NDEL1: variants seen among roughly 807,000 people sequenced by gnomAD.
NDEL1 encodes nuclear distribution protein nudE-like 1.
A neutral mutation model predicts 45.7 loss-of-function variants in NDEL1; 9 were observed. That is an observed-to-expected ratio of 0.20 (90% confidence interval 0.12 to 0.34). NDEL1 has a LOEUF of 0.34. NDEL1 is among the 10% of genes least tolerant of loss of function. The pLI, the probability that NDEL1 is intolerant of heterozygous loss-of-function variation, is 1.00. For missense variants in NDEL1, 306 were observed against 406.2 expected (o/e 0.75, Z 2.12); for synonymous variants, 133 against 158.6 (o/e 0.84, Z 1.21).
At chr17:8,457,224 A>C (rs535887032) in intron 7 of NDEL1, among the ~76,000 whole-genome samples, 2 of 149,956 alleles carry the variant, frequency 1.3e-5, no homozygotes, top group Admixed American at 6.6e-5. Context: ...TCTTCTTCAC[A>C]CTCTTTGTGG....
intron 1 of NDEL1, among the ~76,000 whole-genome samples, chr17:8,422,683 C>T (rs1453087069): frequency 1.3e-5 from 2 of 152,180 alleles, no homozygotes; most frequent in Admixed American, 6.5e-5. Context: ...TAATTTTCAA[C>T]GGAAAATGTT....
chr17:8,418,526 A>G (rs1351988316), intron 1 of NDEL1, among the ~76,000 whole-genome samples: 1 of 152,206 alleles, frequency 6.6e-6, no homozygotes, highest in Admixed American at 6.5e-5. Flanking sequence ...TATCTCTTCT[A>G]TGAACCATCT....
rs142467953 is a variant in NDEL1, at chr17:8,427,665, G to T, written c.-13+14396G>T. ...AGAGGTCTCAGTGAGCCAAGCTCGC[G>T]CCACTGCACTCCAGCCTGGGCGACA... On this transcript the variant is annotated intron_variant, in intron 1 of 4. Coordinates refer to the NDEL1 transcript ENST00000582812. Among the ~76,000 whole-genome samples the T allele has an allele frequency of 8.0e-3, 1,221 of 152,194 alleles. 11 individuals are homozygous for T. The highest frequency in any genetic ancestry group is 0.028 in the African/African-American group (1,167 of 41,520).
At chr17:8,445,009 C>T (rs1443149903) in intron 2 of NDEL1, 1 of 152,164 alleles carries the variant, frequency 6.6e-6, no homozygotes, top group Non-Finnish European at 1.5e-5. Flanking sequence ...TCACCGAAGT[C>T]AGTTATTCTA....
At chr17:8,447,286 G>A (rs1190809191) in intron 4 of NDEL1, among the ~76,000 whole-genome samples, 2 of 152,136 alleles carry the variant, frequency 1.3e-5, no homozygotes, top group Admixed American at 1.3e-4. Flanking sequence ...GGGATTATAG[G>A]CATGTGCCAC....
chr17:8,458,296 T>C (rs1910979591), intron 7 of NDEL1, among the ~76,000 whole-genome samples: 1 of 152,098 alleles, frequency 6.6e-6, no homozygotes, highest in Admixed American at 6.6e-5. Context: ...TCGATATTGG[T>C]TTTACTCAGA....
chr17:8,426,892 C>A (rs1341673714), intron 1 of NDEL1, among the ~76,000 whole-genome samples: 1 of 152,174 alleles, frequency 6.6e-6, no homozygotes, highest in Non-Finnish European at 1.5e-5. Flanking sequence ...GCAGGACCTT[C>A]ATAGGAAGGC....
intron 1 of NDEL1, among the ~76,000 whole-genome samples, chr17:8,423,539 C>T (rs1411437611): frequency 2.0e-5 from 3 of 152,094 alleles, no homozygotes; most frequent in Non-Finnish European, 4.4e-5. Context: ...CAAAAAATAG[C>T]CAGGCATGGT....
chr17:8,435,784 A>ATAC (rs1909262260), upstream of NDEL1: 4 of 367,270 alleles, frequency 1.1e-5, no homozygotes, highest in Middle Eastern at 9.2e-4. Context: ...GCCCCCTGTG[A>ATAC]CACCAGCCCC....
chr17:8,417,139 C>T (rs952391282), intron 1 of NDEL1, among the ~76,000 whole-genome samples: 1 of 151,846 alleles, frequency 6.6e-6, no homozygotes, highest in African/African-American at 2.4e-5. Context: ...TTTTTCGAGA[C>T]AGACTCTTGC....
intron 1 of NDEL1, among the ~76,000 whole-genome samples, chr17:8,438,294 A>C (rs1211154389): frequency 6.6e-6 from 1 of 152,154 alleles, no homozygotes; most frequent in African/African-American, 2.4e-5. Flanking sequence ...CTAGCTTCAG[A>C]AAATTGTGGA....
intron 8 of NDEL1, chr17:8,463,500 TCCTGTTCGACTTGACTGTATG>T: frequency 1.5e-6 from 1 of 678,332 alleles, no homozygotes; most frequent in Admixed American, 2.9e-5. Flanking sequence ...ACTTTCACGG[TCCTGTTCGACTTGACTGTATG>T]CCGTTATTAG....
At chr17:8,432,219 A>G (rs911673546), upstream of NDEL1, 4 of 150,360 alleles carry the variant, frequency 2.7e-5, 1 homozygote, top group South Asian at 4.2e-4. Flanking sequence ...ACATCCCTAA[A>G]GAATTGAGGA....
chr17:8,469,005 A>G, downstream of NDEL1, among the ~76,000 whole-genome samples: 1 of 152,236 alleles, frequency 6.6e-6, no homozygotes, highest in East Asian at 1.9e-4. Context: ...CTCTGTCTCA[A>G]GAAAACCCAC....
chr17:8,446,839 A>C lies in NDEL1; in HGVS notation c.326A>C (p.Glu109Ala). Residue 109 changes from glutamate (E) to alanine (A), a missense_variant, in exon 4 of 9, where the codon GAG (glutamate) becomes GCG (alanine). Transcript: ENST00000334527. ...DDLSQTRAIKEQLHKYVRELE... is the reference protein window; with the variant it reads ...DDLSQTRAIKAQLHKYVRELE... ...TTAAGTCAGACTCGGGCCATTAAGGAGCAGTTGCATAAGTATGTGAGAGAG... is the reference window on the plus strand; with the variant it reads ...TTAAGTCAGACTCGGGCCATTAAGGCGCAGTTGCATAAGTATGTGAGAGAG... 6.2e-7 allele frequency: 1 copy of C among 1,614,190 alleles called. No homozygotes were observed. Among genetic ancestry groups the C allele is most frequent in the South Asian group, 1.1e-5 (1 of 91,084 alleles).
rs1417125882 is a variant in NDEL1 at position 8,448,830 on chromosome 17, A to G, written c.526+144A>G. 9 of 872,586 alleles carry G rather than the reference A, an allele frequency of 1.0e-5. 1 individual carries two copies. Among genetic ancestry groups the G allele is most frequent in the African/African-American group, 6.8e-5 (4 of 58,962 alleles). The allele number at this position is 872,586 out of a possible 1,614,324, so 54.1% of individuals were successfully genotyped here. A position where few individuals can be genotyped will look rare whatever the true frequency, so the allele number is the denominator to read the frequency against. ...ACGGCATTCAAAACCCTGTATATGG[A>G]GGGCTGACTTTTCATATATACGGGC... is the stretch of plus-strand genomic sequence containing the variant. On this transcript the variant is annotated intron_variant, in intron 5 of 8. Coordinates refer to ENST00000334527, the MANE Select transcript of NDEL1 (RefSeq NM_030808.5).
chr17:8,459,509 T>C (rs1911061205), intron 7 of NDEL1, among the ~76,000 whole-genome samples: 1 of 152,216 alleles, frequency 6.6e-6, no homozygotes. Flanking sequence ...TTTAATTTCA[T>C]GTAAAGTGTT....
At chr17:8,451,745 G>A (rs1910516408) in intron 6 of NDEL1, among the ~76,000 whole-genome samples, 1 of 151,866 alleles carries the variant, frequency 6.6e-6, no homozygotes, top group Non-Finnish European at 1.5e-5. Context: ...GCAGCTCGTA[G>A]TTCATATTTC....
chr17:8,458,100 GATCT>G (rs1412395796), intron 7 of NDEL1, among the ~76,000 whole-genome samples: 1 of 151,838 alleles, frequency 6.6e-6, no homozygotes, highest in East Asian at 1.9e-4. Context: ...GCTCACTGGT[GATCT>G]CAGTGCTGTC....
Sources: allele counts gnomAD v4.1 joint callset (sites outside exome capture counted in the v4.1 genomes callset), GRCh38; gene constraint gnomAD v4.1.1; transcripts MANE v1.5; gene names NCBI Gene and HGNC (gene_info 2026-07-23, HGNC 2026-07-21).